PARD3B: variants seen among roughly 807,000 people sequenced by gnomAD.
The protein encoded by PARD3B is partitioning defective 3 homolog B.
A neutral mutation model predicts 130.2 loss-of-function variants in PARD3B; 103 were observed. That is an observed-to-expected ratio of 0.79 (90% CI 0.67 to 0.93). The LOEUF is 0.93. Among genes scored for constraint, PARD3B ranks in the 40% least tolerant of loss-of-function variants. The pLI is 0.00. For missense variants in PARD3B, 1,609 were observed against 1,499.2 expected, an observed-to-expected ratio of 1.07 and a Z score of -1.21; for synonymous variants, 583 against 553.2, an observed-to-expected ratio of 1.05 and a Z score of -0.76.
At chr2:204,699,186 C>T (rs1430308458) in intron 2 of PARD3B, among the ~76,000 whole-genome samples, 1 of 152,076 alleles carries the variant, frequency 6.6e-6, no homozygotes, top group Non-Finnish European at 1.5e-5. Context: ...CTAGGTGCCC[C>T]TGGTGTAGCA....
At chr2:205,581,426 A>T (rs1250707155) in intron 22 of PARD3B, among the ~76,000 whole-genome samples, 4 of 125,844 alleles carry the variant, frequency 3.2e-5, no homozygotes, top group East Asian at 2.1e-4. Context: ...TAAATATATA[A>T]ATATATATAA....
chr2:205,582,011 A>G (rs1319866201), intron 22 of PARD3B, among the ~76,000 whole-genome samples: 1 of 152,200 alleles, frequency 6.6e-6, no homozygotes, highest in East Asian at 1.9e-4. Context: ...ATGAGGAGTC[A>G]TGCATTAGCC....
chr2:204,982,937 C>T (rs926064418), intron 3 of PARD3B, among the ~76,000 whole-genome samples: 2 of 152,064 alleles, frequency 1.3e-5, no homozygotes, highest in Non-Finnish European at 1.5e-5. Flanking sequence ...GAAAGGAGAA[C>T]GAATATAATT....
intron 1 of PARD3B, among the ~76,000 whole-genome samples, chr2:204,561,320 G>A (rs1169262766): frequency 1.3e-5 from 2 of 152,210 alleles, no homozygotes; most frequent in Non-Finnish European, 2.9e-5. Flanking sequence ...AATTGATATG[G>A]GTGGCTTTTA....
In PARD3B at chr2:205,463,378, G is replaced by C. The variant is rs573689484; in HGVS notation, c.3044+22706G>C. On this transcript the variant is annotated intron_variant, in intron 20 of 22. Transcript: ENST00000406610. The surrounding 1 kb of genome is among the most constrained non-coding windows in gnomAD (Gnocchi z 4.8). ...ATGGCCTGGCCAGGCACTGCCTTGCGGCCCTTCCAAAGGTGGCAGAATGAT... is the reference window on the plus strand; with the variant it reads ...ATGGCCTGGCCAGGCACTGCCTTGCCGCCCTTCCAAAGGTGGCAGAATGAT... Among the ~76,000 whole-genome samples, 2 of 151,420 alleles carry C rather than the reference G, an allele frequency of 1.3e-5. No homozygotes were observed. The highest frequency in any genetic ancestry group is 3.9e-4 in the East Asian group (2 of 5,126).
intron 2 of PARD3B, among the ~76,000 whole-genome samples, chr2:204,718,158 C>T (rs75302392): frequency 1.3e-5 from 2 of 151,432 alleles, no homozygotes; most frequent in Non-Finnish European, 2.9e-5. Context: ...TTTGTGTTAT[C>T]TTTTTTTTTC....
At chr2:204,966,659 G>A (rs1182924820) in intron 3 of PARD3B, among the ~76,000 whole-genome samples, 1 of 152,036 alleles carries the variant, frequency 6.6e-6, no homozygotes, top group Admixed American at 6.6e-5. Flanking sequence ...TCTCTCTTAT[G>A]AGCTTTGTCA....
In PARD3B at chr2:205,241,724, C is replaced by T. The variant is rs901315294; in HGVS notation, c.2141-4054C>T. ...TACTGTTTTGGAATCAAAGACCTTT[C>T]CCACACCAGGCCCATTTATTTTTCA... is the stretch of plus-strand genomic sequence containing the variant. On this transcript the variant is annotated intron_variant, in intron 15 of 22. Transcript: ENST00000406610. The surrounding 1 kb of genome is among the most constrained non-coding windows in gnomAD (Gnocchi z 4.2). Among the ~76,000 whole-genome samples the T allele has an allele frequency of 3.9e-5, 6 of 152,250 alleles. No individual in the cohort carries two copies. The highest frequency in any genetic ancestry group is 3.4e-3 in the Middle Eastern group (1 of 294).
intron 2 of PARD3B, among the ~76,000 whole-genome samples, chr2:204,869,612 A>G (rs1390633775): frequency 1.3e-5 from 2 of 152,130 alleles, no homozygotes; most frequent in South Asian, 4.1e-4. Flanking sequence ...TTGATGCAGT[A>G]TGAGGTTTTC....
intron 18 of PARD3B, among the ~76,000 whole-genome samples, chr2:205,374,484 C>T (rs1367320702): frequency 6.6e-6 from 1 of 152,176 alleles, no homozygotes; most frequent in Non-Finnish European, 1.5e-5. Context: ...CCGCCTGCCT[C>T]AGCCTCCCAA....
At chr2:204,991,180 C>T (rs1282694020) in intron 3 of PARD3B, among the ~76,000 whole-genome samples, 6 of 151,240 alleles carry the variant, frequency 4.0e-5, no homozygotes, top group African/African-American at 1.2e-4. Flanking sequence ...CACCCACTAA[C>T]GCATCATCTA....
chr2:204,697,428 G>A (rs2037662790), intron 2 of PARD3B, among the ~76,000 whole-genome samples: 3 of 152,102 alleles, frequency 2.0e-5, no homozygotes, highest in Admixed American at 2.0e-4. Flanking sequence ...GGCCAGTGGT[G>A]TTTCAAGAAA....
chr2:205,354,844 G>A (rs12995657), intron 18 of PARD3B, among the ~76,000 whole-genome samples: 91,434 of 151,708 alleles, frequency 0.6, 30,737 homozygotes, highest in South Asian at 0.77. Context: ...ACCTTATGCA[G>A]GTTGTTATAG....
At chr2:204,672,277 A>G (rs1188345813) in intron 1 of PARD3B, among the ~76,000 whole-genome samples, 4 of 152,216 alleles carry the variant, frequency 2.6e-5, no homozygotes, top group Non-Finnish European at 5.9e-5. Context: ...GCCTTTTCCC[A>G]TGTAAAGAAT....
chr2:205,162,194 C>T (rs904138625), intron 11 of PARD3B, among the ~76,000 whole-genome samples: 1 of 152,134 alleles, frequency 6.6e-6, no homozygotes, highest in African/African-American at 2.4e-5. Flanking sequence ...TTCTAAAAAC[C>T]AACAGAACAA....
intron 1 of PARD3B, among the ~76,000 whole-genome samples, chr2:204,549,899 A>G (rs1422767167): frequency 6.7e-6 from 1 of 148,346 alleles, no homozygotes; most frequent in African/African-American, 2.4e-5. Flanking sequence ...TTCAAAATGA[A>G]TTTTGACATT....
chr2:205,214,888 C>T (rs1490376899), intron 15 of PARD3B, among the ~76,000 whole-genome samples: 1 of 151,970 alleles, frequency 6.6e-6, no homozygotes, highest in Non-Finnish European at 1.5e-5. Flanking sequence ...TATCCGTGAC[C>T]AAGCTATAAT....
rs151279166 is a variant in PARD3B at position 204,680,962 on chromosome 2, G to C, written c.121-5219G>C. On this transcript the variant is annotated intron_variant, in intron 1 of 22. Transcript: ENST00000406610. Reference sequence around the variant, plus strand: ...GTGCAAATATAATACAAATAAGTTAGGCTACATTTGTTACTTGTGTCAGTC... The same window carrying C: ...GTGCAAATATAATACAAATAAGTTACGCTACATTTGTTACTTGTGTCAGTC... Among the ~76,000 whole-genome samples the C allele has an allele frequency of 7.0e-3, 1,057 of 152,024 alleles. 18 individuals are homozygous for C. Among genetic ancestry groups the C allele is most frequent in the African/African-American group, 0.023 (964 of 41,482 alleles).
intron 2 of PARD3B, among the ~76,000 whole-genome samples, chr2:204,802,951 C>A (rs757024142): frequency 6.6e-6 from 1 of 151,138 alleles, no homozygotes; most frequent in Non-Finnish European, 1.5e-5. Flanking sequence ...AACAAACCTG[C>A]ACGTTCTGCA....
Sources: allele counts gnomAD v4.1 joint callset (sites outside exome capture counted in the v4.1 genomes callset), GRCh38; gene constraint gnomAD v4.1.1; non-coding constraint Gnocchi (gnomAD v3.1); transcripts MANE v1.5; gene names NCBI Gene and HGNC (gene_info 2026-07-23, HGNC 2026-07-21).